MYCBP: variants seen among roughly 807,000 people sequenced by gnomAD.
The protein encoded by MYCBP is MYC binding protein, also known as C-Myc-binding protein.
In MYCBP, 5 loss-of-function variants were observed where a neutral mutation model predicts 16.8. The ratio of observed to expected loss-of-function variants is 0.30; its 90% CI spans 0.16 to 0.63. MYCBP has a LOEUF of 0.63. Ranked by LOEUF, MYCBP falls within the 20% of genes least tolerant of loss-of-function variation. The pLI, the probability that MYCBP is intolerant of heterozygous loss-of-function variation, is 0.83. For synonymous variants in MYCBP, 35 were observed against 43.7 expected, an observed-to-expected ratio of 0.80 and a Z score of 0.79; for missense variants, 103 against 121.8, an observed-to-expected ratio of 0.85 and a Z score of 0.73.
chr1:38,863,933 CA>C lies in MYCBP; in HGVS notation c.*736del, dbSNP rs1431285028. On this transcript the variant is annotated 3_prime_UTR_variant, in exon 5 of 5. Transcript: ENST00000397572. ...GTGCTCAGTAAGCAAATAAGGCAGG[CA>C]GGGGGTACAGTGTGATCCTGTTTAA... The C allele has an allele frequency of 6.6e-6, 1 of 152,362 alleles. No individual in the cohort carries two copies. The highest frequency in any genetic ancestry group is 1.5e-5 in the Non-Finnish European group (1 of 68,092). 9.4% of individuals were successfully genotyped at this position (152,362 alleles called of 1,614,324 possible).
intron 2 of MYCBP, chr1:38,872,729 A>C: frequency 2.1e-6 from 1 of 470,516 alleles, no homozygotes; most frequent in Non-Finnish European, 3.8e-6. Flanking sequence ...GGTCCTTGGC[A>C]AACATGTCCA....
intron 4 of MYCBP, among the ~76,000 whole-genome samples, chr1:38,865,074 GTAGA>G (rs1167947369): frequency 6.6e-6 from 1 of 152,186 alleles, no homozygotes; most frequent in African/African-American, 2.4e-5. Flanking sequence ...CCACTGAAAA[GTAGA>G]TAAAGAGTTA....
chr1:38,873,350 G>A (rs1202251221), upstream of MYCBP: 1 of 1,591,814 alleles, frequency 6.3e-7, no homozygotes, highest in Non-Finnish European at 8.5e-7. Flanking sequence ...ACCGCGACTG[G>A]CGGGTTGGGA....
chr1:38,867,756 G>T, intron 2 of MYCBP, 146 bp from the exon 3 acceptor site: 1 of 704,810 alleles, frequency 1.4e-6, no homozygotes, highest in East Asian at 2.7e-5. Context: ...AGACAGACAA[G>T]GTCCCTGTTC....
Position 38,863,502 on chromosome 1 carries a change from GAATATA to G in MYCBP, c.*1162_*1167del, listed in dbSNP as rs1459757736. On this transcript the variant is annotated 3_prime_UTR_variant, in exon 5 of 5. Transcript: ENST00000397572. Reference sequence around the variant, plus strand: ...GAAAGGAAAAAGGACTAACAAACAAGAATATAGTGCTTTACCATTTACAAATCTTTC... The same window carrying G: ...GAAAGGAAAAAGGACTAACAAACAAGGTGCTTTACCATTTACAAATCTTTC... The G allele has an allele frequency of 6.6e-6, 1 of 152,534 alleles. No homozygotes were observed. Among genetic ancestry groups the G allele is most frequent in the East Asian group, 1.9e-4 (1 of 5,182 alleles). 9.4% of individuals were successfully genotyped at this position (152,534 alleles called of 1,614,324 possible).
In MYCBP at chr1:38,863,131, A is replaced by G. The variant is rs1642274446; in HGVS notation, c.*1539T>C. 2.0e-5 allele frequency: 3 copies of G among 152,226 alleles called. No individual in the cohort carries two copies. Among genetic ancestry groups the G allele is most frequent in the Admixed American group, 2.0e-4 (3 of 15,286 alleles). 9.4% of individuals were successfully genotyped at this position (152,226 alleles called of 1,614,324 possible). On this transcript the variant is annotated 3_prime_UTR_variant, in exon 5 of 5. Transcript: ENST00000397572. ...TGTAGGAGGCACTCAAATTGGTAAA[A>G]GAGAAATCTATGCAAGGGAATGATC...
intron 2 of MYCBP, among the ~76,000 whole-genome samples, chr1:38,870,590 G>A (rs948407750): frequency 5.1e-4 from 76 of 149,678 alleles, no homozygotes; most frequent in Admixed American, 4.3e-3. Context: ...TCAGGAGATC[G>A]AGACCATCCT....
chr1:38,873,005 A>T lies in MYCBP; in HGVS notation c.88+13T>A. On this transcript the variant is annotated intron_variant, in intron 2 of 4. Coordinates refer to ENST00000397572, the MANE Select transcript of MYCBP (RefSeq NM_012333.5). ...ACGAGGGCACGAGGTACCCTCTCCT[A>T]GCCCAGGCTCACCCTTGGTCAGCGT... 6.4e-7 allele frequency: 1 copy of T among 1,568,518 alleles called. No individual in the cohort carries two copies. The highest frequency in any genetic ancestry group is 8.6e-7 in the Non-Finnish European group (1 of 1,156,774).
intron 2 of MYCBP, among the ~76,000 whole-genome samples, chr1:38,869,949 A>G (rs928016515): frequency 5.3e-5 from 8 of 151,980 alleles, no homozygotes; most frequent in African/African-American, 1.9e-4. Context: ...CAGGCAGATC[A>G]TGAGGTCAAG....
At chr1:38,867,042 C>T (rs1310766497) in intron 3 of MYCBP, 33 bp from the exon 4 acceptor site, 1 of 1,581,658 alleles carries the variant, frequency 6.3e-7, no homozygotes, top group African/African-American at 1.3e-5. Context: ...ACTTCTTAGA[C>T]ATGAATGAAA....
rs78827366 is a variant in MYCBP at position 38,865,247 on chromosome 1, T to C, written c.268-533A>G. Among the ~76,000 whole-genome samples, 1,488 of 152,348 alleles carry C rather than the reference T, an allele frequency of 9.8e-3. 18 individuals carry two copies. Among genetic ancestry groups the C allele is most frequent in the African/African-American group, 0.034 (1,407 of 41,582 alleles). ...TAAGTGTGGTTCCTTGCAAGAACAC[T>C]AGGCTAACATTAGGGTTCTGCCAAC... On this transcript the variant is annotated intron_variant, in intron 4 of 4. Transcript: ENST00000397572.
Position 38,866,978 on chromosome 1 carries a change from G to A in MYCBP, c.169C>T (p.Pro57Ser), listed in dbSNP as rs989031019. 18 of 1,611,186 alleles carry A rather than the reference G, an allele frequency of 1.1e-5. No individual in the cohort carries two copies. The highest frequency in any genetic ancestry group is 1.5e-5 in the Non-Finnish European group (18 of 1,178,656). Residue 57 changes from proline (P) to serine (S), a missense_variant, in exon 4 of 5, where the codon CCA becomes TCA. By Grantham distance (74) the Pro-to-Ser change is moderately conservative. Transcript: ENST00000397572. ...FLKHHLGAAT[P>S]ENPEIELLRL... ...AGCAGCTCTATTTCTGGATTTTCTG[G>A]AGTAGCAGCTCCTAAGTGATGCTTT...
Position 38,864,660 on chromosome 1 carries a change from G to A in MYCBP, c.*10C>T. The A allele has an allele frequency of 1.2e-6, 2 of 1,613,716 alleles. No homozygotes were observed. Among genetic ancestry groups the A allele is most frequent in the Non-Finnish European group, 1.7e-6 (2 of 1,179,726 alleles). The stretch of plus-strand genomic sequence containing the variant: ...ACCATTTTTCATTGTCTTTCAAACT[G>A]AGAAGAATCCTATTCAGCACGCTTC... On this transcript the variant is annotated 3_prime_UTR_variant, in exon 5 of 5. Coordinates refer to ENST00000397572, the MANE Select transcript of MYCBP (RefSeq NM_012333.5).
chr1:38,869,795 C>CT (rs1642421014), intron 2 of MYCBP, among the ~76,000 whole-genome samples: 1 of 151,432 alleles, frequency 6.6e-6, no homozygotes, highest in Non-Finnish European at 1.5e-5. Flanking sequence ...AATTCCAGCA[C>CT]TTTGAGAGGC....
At chr1:38,866,738 G>T in intron 4 of MYCBP, 142 bp downstream of exon 4, 1 of 722,658 alleles carries the variant, frequency 1.4e-6, no homozygotes, top group Non-Finnish European at 2.2e-6. Context: ...TCTTGACAGG[G>T]CATAACTTTG....
chr1:38,866,907 T>C lies in MYCBP; in HGVS notation c.240A>G (p.Val80=). Residue 80 remains valine, a synonymous_variant, in exon 4 of 5, where the codon GTA becomes GTG. Coordinates refer to ENST00000397572, the MANE Select transcript of MYCBP (RefSeq NM_012333.5). The part of the protein sequence containing the change: ...AEMKEKYEAI[V]EENKKLKAKL... ...TTGCTTTCAGTTTTTTATTTTCTTC[T>C]ACAATAGCTTCATACTTCTCTTTCA... 6.4e-7 allele frequency: 1 copy of C among 1,567,642 alleles called. No homozygotes were observed. The highest frequency in any genetic ancestry group is 8.6e-7 in the Non-Finnish European group (1 of 1,158,884).
rs138090723 is a variant in MYCBP, at chr1:38,864,215, G to A, written c.*455C>T. ...ACACAAACAAGAGCAGAAGATTCAT[G>A]GGAACCCGTACAAAAGCATCTTGTG... On this transcript the variant is annotated 3_prime_UTR_variant, in exon 5 of 5. Coordinates refer to ENST00000397572, the MANE Select transcript of MYCBP (RefSeq NM_012333.5). 5.0e-3 allele frequency: 789 copies of A among 157,180 alleles called. 4 individuals are homozygous for A. Among genetic ancestry groups the A allele is most frequent in the Non-Finnish European group, 8.8e-3 (625 of 71,094 alleles). The allele number at this position is 157,180 out of a possible 1,614,324, so 9.7% of individuals were successfully genotyped here. A position where few individuals can be genotyped will look rare whatever the true frequency, so the allele number is the denominator to read the frequency against.
At chr1:38,869,539 T>C (rs1161422408) in intron 2 of MYCBP, among the ~76,000 whole-genome samples, 4 of 152,214 alleles carry the variant, frequency 2.6e-5, no homozygotes, top group Admixed American at 6.5e-5. Flanking sequence ...TCCTGTGCTG[T>C]TCTATAGATG....
At chr1:38,872,943 C>T in intron 2 of MYCBP, 75 bp downstream of exon 2, 6 of 1,499,276 alleles carry the variant, frequency 4.0e-6, no homozygotes, top group Non-Finnish European at 5.4e-6. Context: ...CCCCACGCTA[C>T]GGCCCGCTGG....
Sources: gnomAD v4.1 joint callset for allele counts (sites outside exome capture counted in the v4.1 genomes callset) on GRCh38, gnomAD v4.1.1 for gene constraint, MANE v1.5 for transcripts, NCBI Gene and HGNC (gene_info 2026-07-23, HGNC 2026-07-21) for gene names.